PPP2R2A: variants seen among roughly 807,000 people sequenced by gnomAD.
The protein encoded by PPP2R2A is protein phosphatase 2 regulatory subunit Balpha.
Under a neutral mutation model 53.2 loss-of-function variants are expected in PPP2R2A, and 9 were observed. The ratio of observed to expected loss-of-function variants is 0.17; its 90% confidence interval spans 0.10 to 0.30. The LOEUF is 0.30. Among genes scored for constraint, PPP2R2A ranks in the 10% least tolerant of loss-of-function variants. The pLI, the probability that PPP2R2A is intolerant of heterozygous loss-of-function variation, is 1.00. For synonymous variants in PPP2R2A, 169 were observed against 174.2 expected, an observed-to-expected ratio of 0.97 and a Z score of 0.23; for missense variants, 235 against 534.6, an observed-to-expected ratio of 0.44 and a Z score of 5.53.
At chr8:26,347,628 C>T (rs1804287073) in intron 3 of PPP2R2A, among the ~76,000 whole-genome samples, 1 of 152,060 alleles carries the variant, frequency 6.6e-6, no homozygotes, top group South Asian at 2.1e-4. Flanking sequence ...TTTTATTTGA[C>T]TATCTTATAG....
intron 2 of PPP2R2A, among the ~76,000 whole-genome samples, chr8:26,295,905 A>G (rs1801520760): frequency 6.6e-6 from 1 of 152,166 alleles, no homozygotes; most frequent in Non-Finnish European, 1.5e-5. Context: ...TTATTAACAC[A>G]TTCCCCACCC....
intron 2 of PPP2R2A, among the ~76,000 whole-genome samples, chr8:26,306,749 CAGG>C (rs1391979762): frequency 6.6e-6 from 1 of 152,026 alleles, no homozygotes; most frequent in Non-Finnish European, 1.5e-5. Context: ...GAGGCCAAGG[CAGG>C]AGGATTGCTT....
chr8:26,330,475 A>G (rs956359507), intron 2 of PPP2R2A, among the ~76,000 whole-genome samples: 29 of 151,824 alleles, frequency 1.9e-4, no homozygotes, highest in Admixed American at 4.6e-4. Context: ...CCGCAGGAGC[A>G]CGCTACAGCA....
intron 1 of PPP2R2A, chr8:26,293,359 T>G: frequency 7.7e-7 from 1 of 1,303,192 alleles, no homozygotes; most frequent in South Asian, 1.3e-5. Flanking sequence ...GTATTTACTT[T>G]TTTTCTGGTA....
chr8:26,356,068 T>A (rs2117386857), intron 4 of PPP2R2A, among the ~76,000 whole-genome samples: 1 of 152,120 alleles, frequency 6.6e-6, no homozygotes, highest in East Asian at 1.9e-4. Flanking sequence ...TCTATAAAAA[T>A]TTGTGATTAA....
Position 26,293,684 on chromosome 8 carries a change from A to T in PPP2R2A, c.26A>T (p.Asp9Val), listed in dbSNP as rs1286787617. MAGAGGGNDIQWCFSQVKG... is the reference protein window; with the variant it reads MAGAGGGNVIQWCFSQVKG... ...TTTCCAGGAGCTGGAGGAGGGAATG[A>T]TATTCAGTGGTGTTTTTCTCAGGTG... is the stretch of plus-strand genomic sequence containing the variant. Residue 9 changes from aspartate (D) to valine (V), a missense_variant, in exon 2 of 10, where the codon GAT becomes GTT. Physicochemically the swap from Asp to Val is radical, Grantham distance 152 (BLOSUM62 -3). This residue lies in a region of PPP2R2A where 51 missense variants were observed against 80.6 expected (regional missense o/e 0.63). Transcript: ENST00000380737. 1 of 1,613,148 alleles carries T rather than the reference A, an allele frequency of 6.2e-7. No homozygotes were observed. Among genetic ancestry groups the T allele is most frequent in the South Asian group, 1.1e-5 (1 of 90,874 alleles).
chr8:26,338,954 T>A lies in PPP2R2A; in HGVS notation c.147T>A (p.Gly49=), dbSNP rs760000319. The A allele has an allele frequency of 1.2e-6, 2 of 1,606,626 alleles. No individual in the cohort carries two copies. The highest frequency in any genetic ancestry group is 2.2e-5 in the East Asian group (1 of 44,650). ...AATTACTAGCAACAGGAGATAAAGG[T>A]GGTAGAGTTGTCATCTTTCAACAGG... The part of the protein sequence containing the change: ...SGELLATGDK[G]GRVVIFQQEQ... The change falls in exon 3 of 10, where the codon GGT becomes GGA. Residue 49 remains glycine, a synonymous_variant. Coordinates refer to ENST00000380737, the MANE Select transcript of PPP2R2A (RefSeq NM_002717.4). This position sits in a 1 kb window ranked among gnomAD's most constrained non-coding sequence, Gnocchi z 4.5.
In PPP2R2A at chr8:26,322,681, C is replaced by A. The variant is rs117007105; in HGVS notation, c.83-16209C>A. Among the ~76,000 whole-genome samples the A allele has an allele frequency of 3.9e-5, 6 of 152,182 alleles. No homozygotes were observed. The South Asian group carries it at 1.2e-3, about 32-fold the overall frequency. ...CTTCAGCATTGTTTAACTCTGTATC[C>A]TGTTTCCCAGAACAACCCAAAACTT... On this transcript the variant is annotated intron_variant, in intron 2 of 9. Coordinates refer to ENST00000380737, the MANE Select transcript of PPP2R2A (RefSeq NM_002717.4).
At chr8:26,303,142 C>G (rs980260593) in intron 2 of PPP2R2A, among the ~76,000 whole-genome samples, 3 of 152,172 alleles carry the variant, frequency 2.0e-5, no homozygotes, top group African/African-American at 7.2e-5. Context: ...AGTCTCCTCC[C>G]TCCCTGTTCT....
At chr8:26,358,501 A>G (rs1804909452) in intron 4 of PPP2R2A, among the ~76,000 whole-genome samples, 1 of 152,196 alleles carries the variant, frequency 6.6e-6, no homozygotes, top group Non-Finnish European at 1.5e-5. Flanking sequence ...AATAGATTAC[A>G]GATGATTAAA....
intron 2 of PPP2R2A, among the ~76,000 whole-genome samples, chr8:26,307,031 T>A (rs1353747387): frequency 2.0e-5 from 3 of 152,180 alleles, no homozygotes; most frequent in African/African-American, 7.2e-5. Context: ...AGTAGGAAAA[T>A]GTATTCTAGG....
chr8:26,292,424 G>A (rs1801342691), intron 1 of PPP2R2A: 1 of 985,474 alleles, frequency 1.0e-6, no homozygotes, highest in Admixed American at 6.1e-5. Context: ...TACCGCCGAA[G>A]AGTGCAAGGC....
chr8:26,341,412 G>A (rs1803938789), intron 3 of PPP2R2A, among the ~76,000 whole-genome samples: 5 of 151,890 alleles, frequency 3.3e-5, no homozygotes, highest in African/African-American at 7.3e-5. Context: ...CACATCTAGA[G>A]GCACCTTTGT....
intron 3 of PPP2R2A, among the ~76,000 whole-genome samples, chr8:26,340,624 T>C (rs1803894102): frequency 6.6e-6 from 1 of 152,140 alleles, no homozygotes; most frequent in African/African-American, 2.4e-5. Flanking sequence ...AATTAAAAGC[T>C]AATTTGGAAC....
chr8:26,292,106 T>C, intron 1 of PPP2R2A: 1 of 498,776 alleles, frequency 2.0e-6, no homozygotes, highest in Non-Finnish European at 2.4e-6. Flanking sequence ...TGGGGCGGGG[T>C]GGGGGTGCGT....
rs549693728 is a variant in PPP2R2A at position 26,354,023 on chromosome 8, T to C, written c.181-445T>C. 7.7e-4 allele frequency among the ~76,000 whole-genome samples: 117 copies of C among 152,282 alleles called. No individual in the cohort carries two copies. Among genetic ancestry groups the C allele is most frequent in the African/African-American group, 2.8e-3 (115 of 41,546 alleles). Reference sequence around the variant, plus strand: ...GAAAGGAAAAGGACAATACATCATATTAAATAACAGATCGGGGAGTTGACC... The same window carrying C: ...GAAAGGAAAAGGACAATACATCATACTAAATAACAGATCGGGGAGTTGACC... On this transcript the variant is annotated intron_variant, in intron 3 of 9. Coordinates refer to ENST00000380737, the MANE Select transcript of PPP2R2A (RefSeq NM_002717.4). This position sits in a 1 kb window ranked among gnomAD's most constrained non-coding sequence, Gnocchi z 4.6.
At chr8:26,367,196 T>G (rs533300043) in intron 9 of PPP2R2A, among the ~76,000 whole-genome samples, 14 of 152,290 alleles carry the variant, frequency 9.2e-5, no homozygotes, top group African/African-American at 3.4e-4. Context: ...GCTTTTAAAA[T>G]TATCTGATTT....
chr8:26,333,446 C>G, intron 2 of PPP2R2A: 1 of 971,276 alleles, frequency 1.0e-6, no homozygotes, highest in Middle Eastern at 3.3e-4. Flanking sequence ...ATAGGTAATA[C>G]AGTTATAACC....
At chr8:26,328,881 C>T (rs57652173) in intron 2 of PPP2R2A, among the ~76,000 whole-genome samples, 9,638 of 152,174 alleles carry the variant, frequency 0.063, 465 homozygotes, top group East Asian at 0.25. Context: ...ATGATAATCT[C>T]ATTACTACAA....
Sources: allele counts gnomAD v4.1 joint callset (sites outside exome capture counted in the v4.1 genomes callset), GRCh38; gene constraint gnomAD v4.1.1; regional missense constraint gnomAD v4.1.1; non-coding constraint Gnocchi (gnomAD v3.1); transcripts MANE v1.5; gene names NCBI Gene and HGNC (gene_info 2026-07-23, HGNC 2026-07-21).